MICAL2: variants seen among roughly 807,000 people sequenced by gnomAD.
MICAL2 encodes the protein microtubule associated monooxygenase, calponin and LIM domain containing 2.
A neutral mutation model predicts 127.3 loss-of-function variants in MICAL2; 77 were observed. The observed-to-expected ratio is 0.60, with a 90% CI of 0.50 to 0.73. The LOEUF (loss-of-function observed/expected upper bound fraction) is 0.73. MICAL2 is among the 30% of genes least tolerant of loss of function. The pLI is 0.00. For missense variants in MICAL2, 1,351 were observed against 1,434.4 expected (o/e 0.94, Z 0.94); for synonymous variants, 570 against 551.1 (o/e 1.03, Z -0.48).
At position 12,209,524 on chromosome 11, in the gene MICAL2, C is replaced by T. The variant is rs1257869145; in HGVS notation, c.617C>T (p.Pro206Leu). The change falls in exon 6 of 28, where the codon CCT becomes CTT. Residue 206 changes from proline to leucine, a missense_variant. By Grantham distance (98) the Pro-to-Leu change is moderately conservative (BLOSUM62 -3). Around this residue, in one of 2 missense-constraint regions of MICAL2, gnomAD observed 599 missense variants for 714.9 expected, o/e 0.84. Coordinates refer to ENST00000683283, the MANE Select transcript of MICAL2 (RefSeq NM_001282663.2). Reference sequence around the variant, plus strand: ...ATTGGCTGGCGGGCAGAATTTCTCCCTACAGACCATTCTCTGTCGGAGTTT... The same window carrying T: ...ATTGGCTGGCGGGCAGAATTTCTCCTTACAGACCATTCTCTGTCGGAGTTT... ...QKIGWRAEFL[P>L]TDHSLSEFEF... The T allele has an allele frequency of 3.7e-6, 6 of 1,614,092 alleles. No individual in the cohort carries two copies. The highest frequency in any genetic ancestry group is 4.2e-6 in the Non-Finnish European group (5 of 1,180,030).
intron 2 of MICAL2, among the ~76,000 whole-genome samples, chr11:12,140,677 C>G (rs1324423530): frequency 6.6e-6 from 1 of 152,192 alleles, no homozygotes. Flanking sequence ...AATTCCTTGA[C>G]TTTTACTCGG....
rs764672994 is a variant in MICAL2, at chr11:12,241,132, A to G, written c.2307A>G (p.Thr769=). 3.7e-6 allele frequency: 6 copies of G among 1,614,012 alleles called. No individual in the cohort carries two copies. In the South Asian group the frequency reaches 6.6e-5, roughly 18 times the overall value. The change falls in exon 18 of 28, where the codon ACA becomes ACG. Residue 769 remains threonine (T), a synonymous_variant. Coordinates refer to ENST00000683283, the MANE Select transcript of MICAL2 (RefSeq NM_001282663.2). ...HSCCPKPEEA[T]PSPSPPLKRQ... The stretch of plus-strand genomic sequence containing the variant: ...GCTGCCCCAAGCCGGAGGAGGCCAC[A>G]CCCAGCCCATCACCTCCTCTGAAAA...
chr11:12,247,074 C>T (rs1043668238), intron 21 of MICAL2, among the ~76,000 whole-genome samples: 6 of 152,222 alleles, frequency 3.9e-5, no homozygotes, highest in South Asian at 2.1e-4. Flanking sequence ...GGAGCAGAGT[C>T]ACAGGTAAGA....
chr11:12,137,122 A>C (rs1370008000), intron 1 of MICAL2, among the ~76,000 whole-genome samples: 1 of 152,230 alleles, frequency 6.6e-6, no homozygotes, highest in African/African-American at 2.4e-5. Flanking sequence ...CCTGCAGCAC[A>C]GGCTGATAGA....
chr11:12,344,753 G>A (rs903511832), intron 32 of MICAL2, among the ~76,000 whole-genome samples: 5 of 150,082 alleles, frequency 3.3e-5, no homozygotes, highest in Non-Finnish European at 5.9e-5. Flanking sequence ...CACTCACCTC[G>A]GCCTCCCAAA....
chr11:12,331,769 G>T (rs1490957376), intron 32 of MICAL2, among the ~76,000 whole-genome samples: 1 of 152,164 alleles, frequency 6.6e-6, no homozygotes, highest in East Asian at 1.9e-4. Flanking sequence ...ATGAAGAAAA[G>T]ATGAAGTGAA....
At chr11:12,166,049 A>G (rs2133835523) in intron 3 of MICAL2, among the ~76,000 whole-genome samples, 1 of 152,334 alleles carries the variant, frequency 6.6e-6, no homozygotes, top group South Asian at 2.1e-4. Context: ...CCTGACTCGA[A>G]TGTTACACCC....
In MICAL2 at chr11:12,145,279, G is replaced by A. The variant is rs540736778; in HGVS notation, c.-78+6819G>A. On this transcript the variant is annotated intron_variant, in intron 2 of 27. Coordinates refer to ENST00000683283, the MANE Select transcript of MICAL2 (RefSeq NM_001282663.2). Reference sequence around the variant, plus strand: ...CCTGCATGCTATCAGGACCCAGCATGCACTTCAGAAAAGACCCCTTTGGTG... The same window carrying A: ...CCTGCATGCTATCAGGACCCAGCATACACTTCAGAAAAGACCCCTTTGGTG... Among the ~76,000 whole-genome samples the A allele has an allele frequency of 1.5e-4, 23 of 152,310 alleles. No homozygotes were observed. The South Asian group carries it at 4.6e-3, about 30-fold the overall frequency.
intron 2 of MICAL2, among the ~76,000 whole-genome samples, chr11:12,156,888 G>T (rs1042107061): frequency 6.6e-6 from 1 of 152,258 alleles, no homozygotes. Flanking sequence ...CTGCGAGTGT[G>T]GGGGGAACAC....
chr11:12,317,044 C>T (rs1864240448), intron 29 of MICAL2, among the ~76,000 whole-genome samples: 1 of 152,296 alleles, frequency 6.6e-6, no homozygotes, highest in Non-Finnish European at 1.5e-5. Context: ...TTTGCCCAAC[C>T]TCATAGAGTT....
chr11:12,330,711 AG>A (rs1248424830), intron 32 of MICAL2, among the ~76,000 whole-genome samples: 2 of 151,986 alleles, frequency 1.3e-5, no homozygotes, highest in African/African-American at 4.8e-5. Flanking sequence ...CATTTTGTCA[AG>A]GAAAGGGAAA....
intron 3 of MICAL2, among the ~76,000 whole-genome samples, chr11:12,169,160 G>A (rs1299303561): frequency 6.6e-6 from 1 of 151,916 alleles, no homozygotes; most frequent in Non-Finnish European, 1.5e-5. Flanking sequence ...ATCTCTGCAT[G>A]TTTGTGGATG....
intron 21 of MICAL2, among the ~76,000 whole-genome samples, chr11:12,248,161 C>A (rs1327190449): frequency 6.6e-6 from 1 of 152,222 alleles, no homozygotes; most frequent in South Asian, 2.1e-4. Context: ...TCAGACTCCA[C>A]TTGCCCGCCC....
chr11:12,144,536 G>C (rs980756668), intron 2 of MICAL2, among the ~76,000 whole-genome samples: 2 of 152,184 alleles, frequency 1.3e-5, no homozygotes, highest in Non-Finnish European at 2.9e-5. Flanking sequence ...GTGGCCTGGA[G>C]AGGCAGCGTT....
chr11:12,320,664 C>T (rs1864282929), intron 30 of MICAL2, among the ~76,000 whole-genome samples: 1 of 151,848 alleles, frequency 6.6e-6, no homozygotes, highest in African/African-American at 2.4e-5. Context: ...AGGAGGAGAA[C>T]CAAATTTATT....
chr11:12,133,976 C>T (rs992649870), intron 1 of MICAL2, among the ~76,000 whole-genome samples: 1 of 152,306 alleles, frequency 6.6e-6, no homozygotes, highest in South Asian at 2.1e-4. Context: ...GAGGAAAAGA[C>T]CCCAGGCTCC....
intron 3 of MICAL2, among the ~76,000 whole-genome samples, chr11:12,184,365 G>C (rs183347303): frequency 6.6e-6 from 1 of 152,150 alleles, no homozygotes; most frequent in Non-Finnish European, 1.5e-5. Context: ...GGTTAAGTAC[G>C]GGCATCTGTG....
chr11:12,122,450 C>T (rs1850584757), intron 1 of MICAL2, among the ~76,000 whole-genome samples: 1 of 152,212 alleles, frequency 6.6e-6, no homozygotes, highest in Non-Finnish European at 1.5e-5. Context: ...CTCACTCCGT[C>T]ACCCAGGCTG....
intron 16 of MICAL2, among the ~76,000 whole-genome samples, chr11:12,236,785 G>A (rs1859126490): frequency 6.6e-6 from 1 of 152,204 alleles, no homozygotes; most frequent in South Asian, 2.1e-4. Flanking sequence ...AATTGATCAA[G>A]GGGAAAGAGT....
Sources: allele counts gnomAD v4.1 joint callset (sites outside exome capture counted in the v4.1 genomes callset), GRCh38; gene constraint gnomAD v4.1.1; regional missense constraint gnomAD v4.1.1; transcripts MANE v1.5; gene names NCBI Gene and HGNC (gene_info 2026-07-23, HGNC 2026-07-21).